Variants in EIF4G3 observed in about 807,000 individuals in gnomAD.
The protein encoded by EIF4G3 is eIF-4-gamma 3.
Under a neutral mutation model 186.4 loss-of-function variants are expected in EIF4G3, and 34 were observed. That is an observed-to-expected ratio of 0.18 (90% CI 0.14 to 0.24). EIF4G3 has a LOEUF of 0.24. EIF4G3 is among the 10% of genes least tolerant of loss of function. The pLI, the probability that EIF4G3 is intolerant of heterozygous loss-of-function variation, is 1.00. For missense variants in EIF4G3, 1,536 were observed against 1,948.5 expected, an observed-to-expected ratio of 0.79 and a Z score of 3.99; for synonymous variants, 673 against 679.5, an observed-to-expected ratio of 0.99 and a Z score of 0.15.
chr1:21,134,278 CAT>C (rs1422198454), intron 2 of EIF4G3, among the ~76,000 whole-genome samples: 9 of 152,134 alleles, frequency 5.9e-5, no homozygotes, highest in African/African-American at 9.7e-5. Context: ...AAAATATACA[CAT>C]GTCAAAATTG....
At chr1:21,054,462 T>G (rs2094468779) in intron 3 of EIF4G3, among the ~76,000 whole-genome samples, 1 of 140,942 alleles carries the variant, frequency 7.1e-6, no homozygotes, top group South Asian at 2.2e-4. Flanking sequence ...CCAAGAATGA[T>G]CAATAAAAAA....
intron 3 of EIF4G3, among the ~76,000 whole-genome samples, chr1:21,070,912 A>C (rs1324525514): frequency 6.6e-6 from 1 of 152,206 alleles, no homozygotes; most frequent in Non-Finnish European, 1.5e-5. Context: ...TTGTCTAGTA[A>C]GTTCATTTTA....
At chr1:20,954,534 CAAAAAAA>C (rs35942587) in intron 12 of EIF4G3, among the ~76,000 whole-genome samples, 13 of 49,324 alleles carry the variant, frequency 2.6e-4, no homozygotes, top group East Asian at 1.2e-3. Flanking sequence ...GACCCCGTCT[CAAAAAAA>C]AAAAAAAAAA....
intron 3 of EIF4G3, among the ~76,000 whole-genome samples, chr1:21,068,608 C>T (rs1051842517): frequency 1.3e-5 from 2 of 152,140 alleles, no homozygotes; most frequent in Admixed American, 1.3e-4. Context: ...CAACCTCTAC[C>T]ACACACTACC....
At chr1:21,083,911 T>C (rs922172791) in intron 3 of EIF4G3, among the ~76,000 whole-genome samples, 4 of 152,100 alleles carry the variant, frequency 2.6e-5, no homozygotes, top group African/African-American at 9.7e-5. Flanking sequence ...ATAGGACCAC[T>C]CAGTTGCCCA....
At chr1:20,994,224 C>T (rs1307262400) in intron 7 of EIF4G3, among the ~76,000 whole-genome samples, 2 of 152,178 alleles carry the variant, frequency 1.3e-5, no homozygotes, top group Non-Finnish European at 2.9e-5. Context: ...CATAGTGAAA[C>T]AAACCAAATT....
chr1:20,860,342 G>A, intron 24 of EIF4G3, 43 bp downstream of exon 24: 1 of 1,610,460 alleles, frequency 6.2e-7, no homozygotes, highest in South Asian at 1.1e-5. Context: ...ATGTATTCCT[G>A]AAACTTCCAA....
At chr1:20,966,870 G>A (rs1268619015) in intron 12 of EIF4G3, among the ~76,000 whole-genome samples, 3 of 152,186 alleles carry the variant, frequency 2.0e-5, no homozygotes, top group Non-Finnish European at 2.9e-5. Context: ...TCTAGTACAC[G>A]TCTCTGTTAA....
intron 3 of EIF4G3, among the ~76,000 whole-genome samples, chr1:21,085,407 T>C (rs2095933301): frequency 6.6e-6 from 1 of 152,144 alleles, no homozygotes; most frequent in South Asian, 2.1e-4. Context: ...TAAGTTTTCT[T>C]TTTTCTTAAG....
At chr1:20,939,026 G>C (rs1165725703) in intron 14 of EIF4G3, among the ~76,000 whole-genome samples, 1 of 150,650 alleles carries the variant, frequency 6.6e-6, no homozygotes, top group African/African-American at 2.4e-5. Flanking sequence ...AGAATTGCTT[G>C]AACCTGGGAG....
intron 13 of EIF4G3, among the ~76,000 whole-genome samples, chr1:20,945,846 T>G (rs1045751150): frequency 6.6e-6 from 1 of 152,144 alleles, no homozygotes; most frequent in African/African-American, 2.4e-5. Context: ...AGAACCCAAT[T>G]TGGTAACTTA....
intron 16 of EIF4G3, among the ~76,000 whole-genome samples, chr1:20,897,872 TTAAAA>T (rs1267982809): frequency 1.4e-4 from 22 of 151,806 alleles, no homozygotes; most frequent in African/African-American, 5.3e-4. Context: ...ATGAAAAGAA[TTAAAA>T]TATAATATAA....
chr1:20,934,852 C>A (rs979244175), intron 14 of EIF4G3, among the ~76,000 whole-genome samples: 3 of 152,100 alleles, frequency 2.0e-5, no homozygotes, highest in Non-Finnish European at 2.9e-5. Flanking sequence ...CAAATCTTAC[C>A]TCCTACTGAG....
intron 3 of EIF4G3, among the ~76,000 whole-genome samples, chr1:21,073,979 C>CA (rs1401480513): frequency 6.6e-6 from 1 of 152,090 alleles, no homozygotes; most frequent in Non-Finnish European, 1.5e-5. Context: ...TATTTCTAAA[C>CA]ACTACAATTT....
intron 4 of EIF4G3, among the ~76,000 whole-genome samples, chr1:21,015,303 A>C (rs2088611179): frequency 6.6e-6 from 1 of 152,152 alleles, no homozygotes; most frequent in Non-Finnish European, 1.5e-5. Context: ...AAGCAAATCA[A>C]TATTCACATT....
chr1:21,148,049 C>G (rs986175099), intron 2 of EIF4G3, among the ~76,000 whole-genome samples: 1 of 152,142 alleles, frequency 6.6e-6, no homozygotes, highest in Non-Finnish European at 1.5e-5. Context: ...GCATTATGCA[C>G]AAAGATGGTT....
intron 7 of EIF4G3, among the ~76,000 whole-genome samples, chr1:20,988,152 A>C (rs907169397): frequency 2.0e-5 from 3 of 152,198 alleles, no homozygotes; most frequent in African/African-American, 7.2e-5. Context: ...AAGCTAGCAA[A>C]GTTTAGCTCA....
At chr1:21,118,995 T>C (rs2096880482) in intron 2 of EIF4G3, among the ~76,000 whole-genome samples, 1 of 148,414 alleles carries the variant, frequency 6.7e-6, no homozygotes, top group South Asian at 2.1e-4. Flanking sequence ...TACATATATA[T>C]GAAGTTAATA....
At chr1:20,819,988 G>A (rs2061925911) in intron 33 of EIF4G3, among the ~76,000 whole-genome samples, 1 of 152,138 alleles carries the variant, frequency 6.6e-6, no homozygotes. Flanking sequence ...CAGCAGGGAG[G>A]TGCAGCTGGG....
Sources: allele counts gnomAD v4.1 joint callset (sites outside exome capture counted in the v4.1 genomes callset), GRCh38; gene constraint gnomAD v4.1.1; transcripts MANE v1.5; gene names NCBI Gene and HGNC (gene_info 2026-07-23, HGNC 2026-07-21).